The following DNAH11 variants were observed in gnomAD, a reference collection of about 807,000 sequenced individuals.
DNAH11 encodes dynein axonemal heavy chain 11.
Under a neutral mutation model 526.0 loss-of-function variants are expected in DNAH11, and 442 were observed. The observed-to-expected ratio is 0.84, with a 90% CI of 0.78 to 0.91. The LOEUF is 0.91. Among genes scored for constraint, DNAH11 ranks in the 40% least tolerant of loss-of-function variants. DNAH11 has a pLI of 0.00. For missense variants in DNAH11, 6,989 were observed against 5,448.7 expected (o/e 1.28, Z -8.90); for synonymous variants, 2,461 against 1,935.9 (o/e 1.27, Z -7.12).
chr7:21,749,499 G>A (rs1786307283), intron 52 of DNAH11, among the ~76,000 whole-genome samples, 179 bp from the exon 53 acceptor site: 1 of 152,114 alleles, frequency 6.6e-6, no homozygotes, highest in East Asian at 1.9e-4. Flanking sequence ...CAATGGAGGT[G>A]GTGTCACAGT....
At chr7:21,788,460 C>A (rs1788287816) in intron 60 of DNAH11, among the ~76,000 whole-genome samples, 1 of 151,846 alleles carries the variant, frequency 6.6e-6, no homozygotes, top group African/African-American at 2.4e-5. Flanking sequence ...ATGTCTCAGC[C>A]CCGTCTTCTA....
At chr7:21,553,224 A>T (rs1431946040) in intron 2 of DNAH11, among the ~76,000 whole-genome samples, 3 of 151,598 alleles carry the variant, frequency 2.0e-5, no homozygotes, top group Non-Finnish European at 1.5e-5. Context: ...GAGGCCCATT[A>T]TTACTTTTAT....
intron 25 of DNAH11, among the ~76,000 whole-genome samples, chr7:21,629,135 C>T (rs1213762541): frequency 6.6e-6 from 1 of 151,936 alleles, no homozygotes; most frequent in Non-Finnish European, 1.5e-5. Context: ...AAAATTTTTA[C>T]ATTTGCTTCT....
intron 28 of DNAH11, among the ~76,000 whole-genome samples, chr7:21,654,914 T>C (rs577616662): frequency 6.6e-6 from 1 of 152,306 alleles, no homozygotes; most frequent in South Asian, 2.1e-4. Context: ...CAGAGGAGGA[T>C]TGTTCCGGTC....
intron 67 of DNAH11, 50 bp downstream of exon 67, chr7:21,852,681 A>T (rs1488223924): frequency 6.6e-7 from 1 of 1,509,228 alleles, no homozygotes; most frequent in South Asian, 1.4e-5. Context: ...TGTTCGAATG[A>T]GACATGTGGG....
chr7:21,797,855 T>C (rs1788787962), intron 61 of DNAH11, among the ~76,000 whole-genome samples: 1 of 152,216 alleles, frequency 6.6e-6, no homozygotes, highest in African/African-American at 2.4e-5. Flanking sequence ...TGAATTTGTA[T>C]CCCATTTGAA....
At chr7:21,719,917 A>G (rs543620723) in intron 43 of DNAH11, among the ~76,000 whole-genome samples, 4 of 152,234 alleles carry the variant, frequency 2.6e-5, no homozygotes, top group Non-Finnish European at 4.4e-5. Context: ...TGCTTTAGAG[A>G]GCTAGCCCCA....
intron 62 of DNAH11, among the ~76,000 whole-genome samples, chr7:21,805,155 C>A (rs1455414130): frequency 2.0e-5 from 3 of 152,210 alleles, no homozygotes; most frequent in East Asian, 1.9e-4. Context: ...ACACACAAGA[C>A]CCCCACTCGT....
chr7:21,599,994 C>T lies in DNAH11; in HGVS notation c.2875C>T (p.Pro959Ser). The T allele has an allele frequency of 1.2e-6, 2 of 1,613,602 alleles. No individual in the cohort carries two copies. Among genetic ancestry groups the T allele is most frequent in the Non-Finnish European group, 1.7e-6 (2 of 1,179,708 alleles). The change falls in exon 15 of 82, where the codon CCT becomes TCT. Residue 959 changes from proline to serine, a missense_variant. Transcript: ENST00000409508. ...ILLPPEIVFK[P>S]SLDREAGDGF... is the part of the protein sequence containing the mutation. Reference sequence around the variant, plus strand: ...GTTGCCTCCTGAGATTGTGTTTAAACCTTCCCTAGACAGAGAGGCTGGGGA... The same window carrying T: ...GTTGCCTCCTGAGATTGTGTTTAAATCTTCCCTAGACAGAGAGGCTGGGGA...
intron 37 of DNAH11, among the ~76,000 whole-genome samples, chr7:21,704,070 C>T (rs980955281): frequency 6.6e-6 from 1 of 152,196 alleles, no homozygotes; most frequent in African/African-American, 2.4e-5. Context: ...CTAAGATTCT[C>T]AGAGTACTTT....
intron 65 of DNAH11, among the ~76,000 whole-genome samples, chr7:21,834,364 A>T (rs1299933368): frequency 6.6e-6 from 1 of 152,224 alleles, no homozygotes; most frequent in Non-Finnish European, 1.5e-5. Flanking sequence ...CTAAGAGGGA[A>T]TAAATTCCTA....
At chr7:21,870,541 G>T (rs1783458360) in intron 73 of DNAH11, among the ~76,000 whole-genome samples, 1 of 152,116 alleles carries the variant, frequency 6.6e-6, no homozygotes. Context: ...AAATTTTAAG[G>T]TTGTCTCAGA....
intron 53 of DNAH11, 137 bp downstream of exon 53, chr7:21,749,938 C>T: frequency 7.4e-7 from 1 of 1,355,322 alleles, no homozygotes. Flanking sequence ...ATAAACCTAA[C>T]TAATTTGAGG....
chr7:21,623,400 A>G (rs528698947), intron 25 of DNAH11, among the ~76,000 whole-genome samples: 8 of 152,256 alleles, frequency 5.3e-5, no homozygotes, highest in Non-Finnish European at 1.0e-4. Flanking sequence ...TGTGGAAGTC[A>G]GTGTGGCAAT....
At chr7:21,722,359 T>C (rs1226103132) in intron 44 of DNAH11, among the ~76,000 whole-genome samples, 1 of 152,178 alleles carries the variant, frequency 6.6e-6, no homozygotes, top group East Asian at 1.9e-4. Context: ...TGGGTACCCC[T>C]GAATTTTTAC....
rs542230948 is a variant in DNAH11, at chr7:21,657,252, A to T, written c.5094+1271A>T. On this transcript the variant is annotated intron_variant, in intron 29 of 81. Transcript: ENST00000409508. Reference sequence around the variant, plus strand: ...TAGTGTATTCTTCAGCAAGTGTTGAATACCTACTATGCATCAGATGCTAGG... The same window carrying T: ...TAGTGTATTCTTCAGCAAGTGTTGATTACCTACTATGCATCAGATGCTAGG... 5.9e-5 allele frequency among the ~76,000 whole-genome samples: 9 copies of T among 152,290 alleles called. No individual in the cohort carries two copies. In the South Asian group the frequency reaches 1.9e-3, roughly 32 times the overall value.
intron 36 of DNAH11, among the ~76,000 whole-genome samples, chr7:21,700,927 A>C (rs1784030141): frequency 6.6e-6 from 1 of 152,152 alleles, no homozygotes; most frequent in African/African-American, 2.4e-5. Flanking sequence ...TATGGGCACA[A>C]GGAGGGGAAC....
intron 62 of DNAH11, among the ~76,000 whole-genome samples, chr7:21,805,185 C>T (rs1439387552): frequency 6.6e-6 from 1 of 152,210 alleles, no homozygotes; most frequent in East Asian, 1.9e-4. Context: ...CACATACATG[C>T]ACACATATGC....
chr7:21,581,818 A>C (rs1784318052), intron 8 of DNAH11, 87 bp from the exon 9 acceptor site: 1 of 782,564 alleles, frequency 1.3e-6, no homozygotes, highest in Admixed American at 2.1e-5. Flanking sequence ...AGCGAGAGAG[A>C]GCTAAAGTAA....
Sources: allele counts gnomAD v4.1 joint callset (sites outside exome capture counted in the v4.1 genomes callset), GRCh38; gene constraint gnomAD v4.1.1; transcripts MANE v1.5; gene names NCBI Gene and HGNC (gene_info 2026-07-23, HGNC 2026-07-21).